The following LDLRAD4 variants were observed in gnomAD, a reference collection of about 807,000 sequenced individuals.
LDLRAD4 encodes low density lipoprotein receptor class A domain containing 4.
A neutral mutation model predicts 17.0 loss-of-function variants in LDLRAD4; 5 were observed. The ratio of observed to expected loss-of-function variants is 0.29; its 90% CI spans 0.15 to 0.62. The LOEUF is 0.62. Ranked by LOEUF, LDLRAD4 falls within the 20% of genes least tolerant of loss-of-function variation. LDLRAD4 has a pLI of 0.84. For missense variants in LDLRAD4, 340 were observed against 424.7 expected (o/e 0.80, Z 1.75); for synonymous variants, 168 against 171.8 (o/e 0.98, Z 0.17).
chr18:13,625,142 C>T (rs1185926329), intron 4 of LDLRAD4, among the ~76,000 whole-genome samples: 1 of 152,178 alleles, frequency 6.6e-6, no homozygotes, highest in African/African-American at 2.4e-5. Flanking sequence ...GTTGGGGAGC[C>T]TCCTGTGAGG....
At chr18:13,353,459 C>G (rs2083160433) in intron 1 of LDLRAD4, among the ~76,000 whole-genome samples, 1 of 152,214 alleles carries the variant, frequency 6.6e-6, no homozygotes, top group South Asian at 2.1e-4. Flanking sequence ...CTCACCTTGG[C>G]TGCTGGACCT....
intron 1 of LDLRAD4, among the ~76,000 whole-genome samples, chr18:13,332,090 T>C (rs1433827735): frequency 6.6e-6 from 1 of 152,210 alleles, no homozygotes; most frequent in East Asian, 1.9e-4. Context: ...TTGATAATCT[T>C]CTCTATTTCT....
intron 3 of LDLRAD4, chr18:13,490,679 C>T (rs1296390109): frequency 6.6e-6 from 1 of 152,216 alleles, no homozygotes; most frequent in Non-Finnish European, 1.5e-5. Flanking sequence ...GCCCCAAACT[C>T]TCTTCAACCT....
intron 1 of LDLRAD4, among the ~76,000 whole-genome samples, chr18:13,330,432 G>A (rs2081793376): frequency 6.6e-6 from 1 of 151,996 alleles, no homozygotes; most frequent in East Asian, 1.9e-4. Context: ...CCTAATCCTC[G>A]TGTATCTTCT....
chr18:13,610,530 G>T (rs987319629), intron 3 of LDLRAD4, among the ~76,000 whole-genome samples: 1 of 151,766 alleles, frequency 6.6e-6, no homozygotes, highest in Non-Finnish European at 1.5e-5. Flanking sequence ...CAGGTGATCC[G>T]CCCACCTCGG....
chr18:13,483,820 T>C (rs1436064134), intron 3 of LDLRAD4, among the ~76,000 whole-genome samples: 3 of 152,108 alleles, frequency 2.0e-5, no homozygotes, highest in African/African-American at 7.2e-5. Context: ...TACCCAGCAG[T>C]ACTCACTAGC....
At chr18:13,254,562 C>T (rs893137214) in intron 1 of LDLRAD4, among the ~76,000 whole-genome samples, 7 of 152,190 alleles carry the variant, frequency 4.6e-5, no homozygotes, top group African/African-American at 1.2e-4. Flanking sequence ...GGAAGTCCAG[C>T]GGCATCTTTC....
chr18:13,482,823 C>T (rs2093126620), intron 3 of LDLRAD4, among the ~76,000 whole-genome samples: 2 of 152,198 alleles, frequency 1.3e-5, no homozygotes, highest in African/African-American at 2.4e-5. Flanking sequence ...TCTCAGGTAA[C>T]AGCCCTTTAG....
chr18:13,498,925 C>T lies in LDLRAD4; in HGVS notation c.181+60541C>T, dbSNP rs118175331. Among the ~76,000 whole-genome samples the T allele has an allele frequency of 4.6e-3, 623 of 135,946 alleles. 5 individuals are homozygous for T. The highest frequency in any genetic ancestry group is 0.038 in the Middle Eastern group (6 of 158). 89.2% of individuals were successfully genotyped at this position (135,946 alleles called of 152,430 possible). A position where few individuals can be genotyped will look rare whatever the true frequency, so the allele number is the denominator to read the frequency against. Reference sequence around the variant, plus strand: ...ATCCTTCTCGCCACACACGTCCCACCGTGGACACCGGAGAATCCTTCTCGC... The same window carrying T: ...ATCCTTCTCGCCACACACGTCCCACTGTGGACACCGGAGAATCCTTCTCGC... On this transcript the variant is annotated intron_variant, in intron 3 of 5. Coordinates refer to ENST00000359446, the Ensembl canonical transcript of LDLRAD4.
At chr18:13,564,989 A>T (rs551740025) in intron 3 of LDLRAD4, 3 of 152,466 alleles carry the variant, frequency 2.0e-5, no homozygotes, top group African/African-American at 7.2e-5. Context: ...ATGCATGTCA[A>T]TTATGCTTAC....
chr18:13,609,530 CGTGT>C (rs72225166), intron 3 of LDLRAD4, among the ~76,000 whole-genome samples: 106,179 of 149,462 alleles, frequency 0.71, 38,715 homozygotes, highest in Non-Finnish European at 0.82. Flanking sequence ...TGTGTGTGTG[CGTGT>C]GTGTGTGTGT....
intron 1 of LDLRAD4, among the ~76,000 whole-genome samples, chr18:13,313,935 T>C (rs993769726): frequency 4.6e-5 from 7 of 152,222 alleles, no homozygotes; most frequent in African/African-American, 1.7e-4. Context: ...TGTGTTGTGA[T>C]GTCAGAAAGA....
chr18:13,359,590 A>G (rs1410825184), intron 1 of LDLRAD4, among the ~76,000 whole-genome samples: 4 of 152,078 alleles, frequency 2.6e-5, no homozygotes, highest in Non-Finnish European at 5.9e-5. Context: ...ATTAGTAAGG[A>G]AGGGATTTAA....
chr18:13,585,783 T>G (rs767857524), intron 3 of LDLRAD4, among the ~76,000 whole-genome samples: 5 of 152,208 alleles, frequency 3.3e-5, no homozygotes, highest in Non-Finnish European at 7.3e-5. Flanking sequence ...GATTGCTGAT[T>G]CCTGGTAATA....
chr18:13,327,146 A>G (rs1457125253), intron 1 of LDLRAD4, among the ~76,000 whole-genome samples: 1 of 152,042 alleles, frequency 6.6e-6, no homozygotes, highest in Non-Finnish European at 1.5e-5. Flanking sequence ...ACTCTGCGGC[A>G]GAGTCCTATC....
At chr18:13,307,184 A>G (rs1470465679) in intron 1 of LDLRAD4, among the ~76,000 whole-genome samples, 1 of 152,198 alleles carries the variant, frequency 6.6e-6, no homozygotes, top group Non-Finnish European at 1.5e-5. Context: ...TGGAAATTGC[A>G]GTGTGTTTTG....
At position 13,398,366 on chromosome 18, in the gene LDLRAD4, A is replaced by G. The variant is rs1268375765; in HGVS notation, c.40+10604A>G. Among the ~76,000 whole-genome samples the G allele has an allele frequency of 6.6e-6, 1 of 151,884 alleles. No homozygotes were observed. Among genetic ancestry groups the G allele is most frequent in the East Asian group, 1.9e-4 (1 of 5,160 alleles). ...GTCACGGTGGTGATGCTTGCGTAGC[A>G]GTGTGAGAGTGCAAACCTGAAAATG... On this transcript the variant is annotated intron_variant, in intron 2 of 5. Coordinates refer to ENST00000359446, the Ensembl canonical transcript of LDLRAD4. The surrounding 1 kb of genome is among the most constrained non-coding windows in gnomAD (Gnocchi z 4.8).
intron 1 of LDLRAD4, among the ~76,000 whole-genome samples, chr18:13,296,105 C>T: frequency 6.6e-6 from 1 of 152,250 alleles, no homozygotes. Flanking sequence ...ATCTCTCGTG[C>T]ATCCCTCCAG....
chr18:13,651,105 A>AATCTCCTGCATCT (rs1307165122), exon 6 of LDLRAD4: 1 of 152,244 alleles, frequency 6.6e-6, no homozygotes, highest in Non-Finnish European at 1.5e-5. Flanking sequence ...CTTGCTTTAT[A>AATCTCCTGCATCT]ATCTCCTGCA....
Sources: allele counts gnomAD v4.1 joint callset (sites outside exome capture counted in the v4.1 genomes callset), GRCh38; gene constraint gnomAD v4.1.1; non-coding constraint Gnocchi (gnomAD v3.1); transcripts MANE v1.5; gene names NCBI Gene and HGNC (gene_info 2026-07-23, HGNC 2026-07-21).